GTPBP4: variants seen among roughly 807,000 people sequenced by gnomAD.
The protein encoded by GTPBP4 is GTP-binding protein 4.
Under a neutral mutation model 81.7 loss-of-function variants are expected in GTPBP4, and 15 were observed. The observed-to-expected ratio is 0.18, with a 90% CI of 0.12 to 0.28. GTPBP4 has a LOEUF of 0.28. Among genes scored for constraint, GTPBP4 ranks in the 10% least tolerant of loss-of-function variants. GTPBP4 has a pLI of 1.00. For synonymous variants in GTPBP4, 272 were observed against 274.6 expected (o/e 0.99, Z 0.09); for missense variants, 847 against 793.8 (o/e 1.07, Z -0.81).
chr10:993,157 T>G (rs1280957207), intron 2 of GTPBP4, among the ~76,000 whole-genome samples: 1 of 152,192 alleles, frequency 6.6e-6, no homozygotes, highest in Non-Finnish European at 1.5e-5. Context: ...GTTTTCTTCT[T>G]TGGCAAGGAG....
At chr10:1,016,140 C>A (rs1831988611) in intron 16 of GTPBP4, among the ~76,000 whole-genome samples, 1 of 152,182 alleles carries the variant, frequency 6.6e-6, no homozygotes, top group South Asian at 2.1e-4. Context: ...GTGGCCAGAG[C>A]ATGGTCTGAC....
intron 10 of GTPBP4, 114 bp downstream of exon 10, chr10:1,007,242 G>T (rs1415376305): frequency 3.1e-6 from 2 of 644,276 alleles, no homozygotes; most frequent in African/African-American, 3.6e-5. Context: ...TGGATATTGT[G>T]GGTGGGCCTC....
intron 13 of GTPBP4, among the ~76,000 whole-genome samples, chr10:1,011,571 C>T (rs1252039447): frequency 2.0e-5 from 3 of 152,128 alleles, no homozygotes; most frequent in Non-Finnish European, 4.4e-5. Context: ...ACAATACTTG[C>T]CATCTGCATG....
intron 10 of GTPBP4, chr10:1,007,855 T>G (rs1325518680): frequency 2.0e-6 from 1 of 512,762 alleles, no homozygotes; most frequent in Admixed American, 2.0e-5. Flanking sequence ...TGGGTGCGGT[T>G]GAGCATGTTT....
intron 10 of GTPBP4, 60 bp from the exon 11 acceptor site, chr10:1,008,898 T>C: frequency 7.6e-7 from 1 of 1,309,054 alleles, no homozygotes; most frequent in Non-Finnish European, 1.1e-6. Flanking sequence ...CTTTTTCGGC[T>C]TTGTAAGTTT....
rs994275643 is a variant in GTPBP4, at chr10:1,018,229, A to G, written c.*1002A>G. The G allele has an allele frequency of 6.6e-6, 1 of 152,092 alleles. No individual in the cohort carries two copies. Among genetic ancestry groups the G allele is most frequent in the Non-Finnish European group, 1.5e-5 (1 of 68,066 alleles). 9.4% of individuals were successfully genotyped at this position (152,092 alleles called of 1,614,324 possible). ...ATCAGGAGGTCAGGAGTTCGAGACC[A>G]GCCTGGCCAACATGGTGAAACCCCA... On this transcript the variant is annotated 3_prime_UTR_variant, in exon 17 of 17. Transcript: ENST00000360803.
At position 1,019,613 on chromosome 10, in the gene GTPBP4, CCAGGGGGTGACTTTGACTT is replaced by C. The variant is rs761820152; in HGVS notation, c.*2389_*2407del. On this transcript the variant is annotated 3_prime_UTR_variant, in exon 17 of 17. Transcript: ENST00000360803. ...GAAACCTCTCGGCAATGGTTCTTAG[CCAGGGGGTGACTTTGACTT>C]CACCCCTCGCCTCCCTCTCCAGCAG... 7 of 1,614,066 alleles carry C rather than the reference CCAGGGGGTGACTTTGACTT, an allele frequency of 4.3e-6. No homozygotes were observed. The South Asian group carries it at 4.4e-5, about 10-fold the overall frequency.
chr10:988,634 C>T, intron 1 of GTPBP4, 107 bp downstream of exon 1: 1 of 802,828 alleles, frequency 1.2e-6, no homozygotes. Flanking sequence ...TTCCGCTCGC[C>T]CATCCCCCGC....
In GTPBP4 at chr10:1,007,847, G is replaced by A. The variant is rs569880667; in HGVS notation, c.1113+719G>A. The A allele has an allele frequency of 6.3e-5, 32 of 509,596 alleles. No homozygotes were observed. In the East Asian group the frequency reaches 8.7e-4, roughly 14 times the overall value. The allele number at this position is 509,596 out of a possible 1,614,324, so 31.6% of individuals were successfully genotyped here. ...ATTGTTGTGTGTTTATGTAATGCTG[G>A]GTGCGGTTGAGCATGTTTGTCTGCT... On this transcript the variant is annotated intron_variant, in intron 10 of 16. Transcript: ENST00000360803.
Position 1,019,584 on chromosome 10 carries a change from T to A in GTPBP4, c.*2357T>A. 1.2e-6 allele frequency: 2 copies of A among 1,614,040 alleles called. No homozygotes were observed. The highest frequency in any genetic ancestry group is 1.7e-6 in the Non-Finnish European group (2 of 1,179,992). On this transcript the variant is annotated 3_prime_UTR_variant, in exon 17 of 17. Coordinates refer to ENST00000360803, the MANE Select transcript of GTPBP4 (RefSeq NM_012341.3). ...GTCATCCAGGTGAGGCCACCACCGG[T>A]ACAGAAACCTCTCGGCAATGGTTCT...
At chr10:990,645 C>G (rs1831424721) in intron 1 of GTPBP4, among the ~76,000 whole-genome samples, 1 of 145,960 alleles carries the variant, frequency 6.9e-6, no homozygotes, top group African/African-American at 2.6e-5. Context: ...ATGGTGTGAA[C>G]TGAACCCAGG....
At chr10:993,251 C>G (rs1589022484) in intron 2 of GTPBP4, among the ~76,000 whole-genome samples, 1 of 152,224 alleles carries the variant, frequency 6.6e-6, no homozygotes, top group African/African-American at 2.4e-5. Context: ...TTGCCTGTTT[C>G]TTTTTTTCTC....
At chr10:1,009,613 T>A in intron 12 of GTPBP4, 33 bp downstream of exon 12, 1 of 1,232,142 alleles carries the variant, frequency 8.1e-7, no homozygotes, top group Non-Finnish European at 1.2e-6. Flanking sequence ...TATTATAAAA[T>A]GCCAATTGGA....
chr10:1,003,040 A>G (rs1831665547), intron 8 of GTPBP4, among the ~76,000 whole-genome samples: 1 of 152,170 alleles, frequency 6.6e-6, no homozygotes, highest in Non-Finnish European at 1.5e-5. Flanking sequence ...GAACTCCCAT[A>G]ATGCCAGCAT....
At chr10:1,007,216 T>C in intron 10 of GTPBP4, 88 bp downstream of exon 10, 2 of 732,640 alleles carry the variant, frequency 2.7e-6, no homozygotes, top group African/African-American at 1.7e-5. Context: ...CCCATCCAGC[T>C]TCACACACTC....
chr10:1,006,029 C>G, intron 9 of GTPBP4, 122 bp downstream of exon 9: 1 of 617,272 alleles, frequency 1.6e-6, no homozygotes, highest in Non-Finnish European at 2.8e-6. Flanking sequence ...CTCGCAGTAG[C>G]GAGGCGGGTG....
chr10:991,430 G>T (rs1359787462), intron 1 of GTPBP4, among the ~76,000 whole-genome samples: 1 of 152,162 alleles, frequency 6.6e-6, no homozygotes, highest in Non-Finnish European at 1.5e-5. Context: ...TCTTTGCACT[G>T]GGTAACTCAT....
intron 12 of GTPBP4, among the ~76,000 whole-genome samples, chr10:1,009,917 C>A (rs1037763756): frequency 6.6e-6 from 1 of 152,158 alleles, no homozygotes; most frequent in Non-Finnish European, 1.5e-5. Flanking sequence ...ATCACTTGAC[C>A]CTAGGAGGAC....
intron 10 of GTPBP4, 189 bp downstream of exon 10, chr10:1,007,317 A>AC: frequency 1.9e-6 from 1 of 534,112 alleles, no homozygotes; most frequent in East Asian, 2.9e-5. Context: ...GCCACATGGC[A>AC]CCCGTTTCCC....
Sources: allele counts gnomAD v4.1 joint callset (sites outside exome capture counted in the v4.1 genomes callset), GRCh38; gene constraint gnomAD v4.1.1; transcripts MANE v1.5; gene names NCBI Gene and HGNC (gene_info 2026-07-23, HGNC 2026-07-21).